The following TCERG1 variants were observed in gnomAD, a reference collection of about 807,000 sequenced individuals.
TCERG1 encodes TATA box binding protein (TBP)-associated factor, RNA polymerase II, S, 150kD.
In TCERG1, 37 loss-of-function variants were observed where a neutral mutation model predicts 144.7. That is an observed-to-expected ratio of 0.26 (90% CI 0.20 to 0.34). TCERG1 has a LOEUF of 0.34. Among genes scored for constraint, TCERG1 ranks in the 10% least tolerant of loss-of-function variants. The pLI is 1.00. For missense variants in TCERG1, 1,027 were observed against 1,380.7 expected (o/e 0.74, Z 4.06); for synonymous variants, 492 against 458.2 (o/e 1.07, Z -0.94).
intron 9 of TCERG1, among the ~76,000 whole-genome samples, chr5:146,472,536 C>A (rs56771518): frequency 1.3e-5 from 2 of 151,896 alleles, no homozygotes; most frequent in African/African-American, 4.8e-5. Context: ...AATTGATAAA[C>A]GTGTGTGATC....
intron 19 of TCERG1, 43 bp downstream of exon 19, chr5:146,504,049 A>T (rs991766437): frequency 1.0e-5 from 14 of 1,404,432 alleles, no homozygotes; most frequent in Middle Eastern, 1.9e-4. Flanking sequence ...AGTACTGGAT[A>T]TTGGAAATTT....
chr5:146,463,733 C>G lies in TCERG1; in HGVS notation c.1075C>G (p.Pro359Ala). ...GCCAACAACAGCAATACCTGCTTTTCCACCAGTAATGGTACCTCCGTTTCG... is the reference window on the plus strand; with the variant it reads ...GCCAACAACAGCAATACCTGCTTTTGCACCAGTAATGGTACCTCCGTTTCG... ...PQPTTAIPAFPPVMVPPFRVP... is the reference protein window; with the variant it reads ...PQPTTAIPAFAPVMVPPFRVP... The change falls in exon 5 of 23, where the codon CCA becomes GCA. Residue 359 changes from proline (P) to alanine (A), a missense_variant. Pro to Ala is a conservative substitution (Grantham distance 27). Coordinates refer to ENST00000679501, the MANE Select transcript of TCERG1 (RefSeq NM_001382548.1). 2 of 1,614,218 alleles carry G rather than the reference C, an allele frequency of 1.2e-6. No homozygotes were observed. The highest frequency in any genetic ancestry group is 4.5e-5 in the East Asian group (2 of 44,882).
chr5:146,478,401 C>T, intron 9 of TCERG1, 92 bp from the exon 10 acceptor site: 29 of 1,317,852 alleles, frequency 2.2e-5, no homozygotes, highest in Non-Finnish European at 2.8e-5. Context: ...CTTCAGTACC[C>T]TCATCTCCCT....
At chr5:146,497,446 C>T (rs972926608) in intron 16 of TCERG1, among the ~76,000 whole-genome samples, 1 of 152,138 alleles carries the variant, frequency 6.6e-6, no homozygotes, top group Non-Finnish European at 1.5e-5. Context: ...TGCACCTGGC[C>T]AGTAATAGTT....
intron 15 of TCERG1, among the ~76,000 whole-genome samples, chr5:146,491,558 C>T (rs1766426445): frequency 6.6e-6 from 1 of 152,068 alleles, no homozygotes; most frequent in South Asian, 2.1e-4. Flanking sequence ...GTCAGATTCC[C>T]AATAAAGACT....
intron 9 of TCERG1, among the ~76,000 whole-genome samples, chr5:146,474,689 T>A (rs912564237): frequency 6.6e-6 from 1 of 152,206 alleles, no homozygotes; most frequent in African/African-American, 2.4e-5. Context: ...ACCAGCCTCA[T>A]GAGTGTTCAG....
chr5:146,469,810 T>C (rs549098268), intron 7 of TCERG1, 66 bp downstream of exon 7: 1 of 1,143,100 alleles, frequency 8.7e-7, no homozygotes, highest in Non-Finnish European at 1.2e-6. Context: ...GTATTTGAAA[T>C]TCTGAGTTAA....
At chr5:146,447,540 G>T in intron 1 of TCERG1, 132 bp downstream of exon 1, 1 of 1,170,828 alleles carries the variant, frequency 8.5e-7, no homozygotes. Context: ...GACCGCATGG[G>T]GTTTAAGAAG....
At chr5:146,475,806 C>T (rs927018572) in intron 9 of TCERG1, among the ~76,000 whole-genome samples, 3 of 152,142 alleles carry the variant, frequency 2.0e-5, no homozygotes, top group African/African-American at 7.2e-5. Context: ...GATACTTCCC[C>T]TTATCACCAT....
chr5:146,498,752 G>T (rs1767163257), intron 17 of TCERG1, 66 bp downstream of exon 17: 2 of 1,506,496 alleles, frequency 1.3e-6, no homozygotes, highest in African/African-American at 1.4e-5. Flanking sequence ...CTATGCTGGT[G>T]TTATGTTTCT....
intron 12 of TCERG1, chr5:146,480,622 T>C (rs1025478): frequency 4.6e-5 from 7 of 152,528 alleles, no homozygotes; most frequent in African/African-American, 1.7e-4. Flanking sequence ...GTAAATGTTA[T>C]GGCGGGGGGA....
At chr5:146,506,592 T>G (rs768707643) in intron 19 of TCERG1, among the ~76,000 whole-genome samples, 14 of 152,232 alleles carry the variant, frequency 9.2e-5, no homozygotes, top group Admixed American at 7.9e-4. Flanking sequence ...GTGCAGTAGG[T>G]CTCAAAACTT....
chr5:146,461,902 A>G (rs1163035934), intron 4 of TCERG1: 1 of 152,658 alleles, frequency 6.6e-6, no homozygotes, highest in South Asian at 2.1e-4. Context: ...ATTTTCAGCC[A>G]GTATAGTAGA....
At chr5:146,460,823 A>AT (rs1319513257) in intron 4 of TCERG1, among the ~76,000 whole-genome samples, 17 of 152,262 alleles carry the variant, frequency 1.1e-4, no homozygotes, top group African/African-American at 4.1e-4. Flanking sequence ...GTGAATTTTG[A>AT]TATGAAAGTA....
chr5:146,452,699 T>C (rs1762463145), intron 1 of TCERG1, among the ~76,000 whole-genome samples: 1 of 152,118 alleles, frequency 6.6e-6, no homozygotes, highest in South Asian at 2.1e-4. Context: ...AAGCAATTCT[T>C]CTGCTTCCGC....
At chr5:146,488,088 C>T (rs1348573557) in intron 15 of TCERG1, among the ~76,000 whole-genome samples, 1 of 152,080 alleles carries the variant, frequency 6.6e-6, no homozygotes, top group East Asian at 1.9e-4. Context: ...CTTAGCCTAT[C>T]TGAAAATCAA....
intron 9 of TCERG1, among the ~76,000 whole-genome samples, chr5:146,474,804 G>T (rs560240929): frequency 6.6e-6 from 1 of 152,212 alleles, no homozygotes; most frequent in South Asian, 2.1e-4. Context: ...TTAAATTATA[G>T]TATGTACATT....
intron 15 of TCERG1, among the ~76,000 whole-genome samples, chr5:146,491,655 T>C (rs1436724288): frequency 6.6e-6 from 1 of 152,168 alleles, no homozygotes; most frequent in Admixed American, 6.6e-5. Context: ...GTTTGGTTAA[T>C]CTCCATGTTT....
Position 146,459,258 on chromosome 5 carries a change from C to G in TCERG1, c.813C>G (p.Ser271=). The change falls in exon 4 of 23, where the codon TCC becomes TCG. Residue 271 remains serine, a synonymous_variant. Coordinates refer to ENST00000679501, the MANE Select transcript of TCERG1 (RefSeq NM_001382548.1). ...PTTSSPAPAV[S]TSTSSSTPSS... ...CCAGTAGCCCAGCACCTGCAGTATC[C>G]ACTTCAACATCATCATCCACCCCTT... is the stretch of plus-strand genomic sequence containing the variant. The G allele has an allele frequency of 6.2e-7, 1 of 1,614,280 alleles. No individual in the cohort carries two copies. Among genetic ancestry groups the G allele is most frequent in the Non-Finnish European group, 8.5e-7 (1 of 1,180,050 alleles).
Sources: gnomAD v4.1 joint callset for allele counts (sites outside exome capture counted in the v4.1 genomes callset) on GRCh38, gnomAD v4.1.1 for gene constraint, MANE v1.5 for transcripts, NCBI Gene and HGNC (gene_info 2026-07-23, HGNC 2026-07-21) for gene names.